The following ZDHHC3 variants were observed in gnomAD, a reference collection of about 807,000 sequenced individuals.
The protein encoded by ZDHHC3 is palmitoyltransferase ZDHHC3.
A neutral mutation model predicts 30.6 loss-of-function variants in ZDHHC3; 9 were observed. That is an observed-to-expected ratio of 0.29 (90% CI 0.18 to 0.51). ZDHHC3 has a LOEUF of 0.51. Ranked by LOEUF, ZDHHC3 falls within the 20% of genes least tolerant of loss-of-function variation. The pLI, the probability that ZDHHC3 is intolerant of heterozygous loss-of-function variation, is 0.97. For synonymous variants in ZDHHC3, 136 were observed against 140.2 expected (o/e 0.97, Z 0.21); for missense variants, 246 against 384.2 (o/e 0.64, Z 3.01).
Position 44,961,206 on chromosome 3 carries a change from C to T in ZDHHC3, c.-24-1746G>A, listed in dbSNP as rs140337609. ...AGGAGATTGAGACCATCCTGGCTAA[C>T]ACGGTGAAACCCCATCTCTACTGAA... On this transcript the variant is annotated intron_variant, in intron 1 of 6. Transcript: ENST00000424952. Among the ~76,000 whole-genome samples, 1,389 of 152,312 alleles carry T rather than the reference C, an allele frequency of 9.1e-3. 22 individuals carry two copies. Among genetic ancestry groups the T allele is most frequent in the African/African-American group, 0.029 (1,218 of 41,568 alleles).
Position 44,945,095 on chromosome 3 carries a change from A to C in ZDHHC3, c.431+73T>G, listed in dbSNP as rs1702797631. 4 of 1,603,376 alleles carry C rather than the reference A, an allele frequency of 2.5e-6. No homozygotes were observed. The Admixed American group carries it at 6.7e-5, about 27-fold the overall frequency. ...TTGGGGAAGTGTGTGCTACTCCAGG[A>C]GGCAGGTGTTGGCGGGGATGGAGGG... On this transcript the variant is annotated intron_variant, in intron 3 of 6. Coordinates refer to ENST00000424952, the MANE Select transcript of ZDHHC3 (RefSeq NM_001135179.2).
At chr3:44,958,426 T>G (rs1704147717) in intron 2 of ZDHHC3, among the ~76,000 whole-genome samples, 1 of 152,130 alleles carries the variant, frequency 6.6e-6, no homozygotes, top group Non-Finnish European at 1.5e-5. Context: ...ACAGGAGGTC[T>G]TTATCAAATA....
chr3:44,955,764 A>C (rs895762120), intron 2 of ZDHHC3, among the ~76,000 whole-genome samples: 3 of 152,066 alleles, frequency 2.0e-5, no homozygotes, highest in Non-Finnish European at 4.4e-5. Flanking sequence ...GTGCCTTAGG[A>C]GCTCCCGCTT....
rs1331044832 is a variant in ZDHHC3, at chr3:44,917,894, T to G, written c.*8795A>C. ...GTTTGCTTCTCTCCCCACAGCAGCA[T>G]CTATTCATCTGTCACCTCCACAGAG... On this transcript the variant is annotated 3_prime_UTR_variant, in exon 7 of 7. Coordinates refer to ENST00000424952, the MANE Select transcript of ZDHHC3 (RefSeq NM_001135179.2). 1 of 1,301,730 alleles carries G rather than the reference T, an allele frequency of 7.7e-7. No homozygotes were observed. Among genetic ancestry groups the G allele is most frequent in the East Asian group, 5.5e-5 (1 of 18,026 alleles). 80.6% of individuals were successfully genotyped at this position (1,301,730 alleles called of 1,614,324 possible).
rs1700718189 is a variant in ZDHHC3, at chr3:44,923,071, T to C, written c.*3618A>G. 1.7e-5 allele frequency: 17 copies of C among 973,420 alleles called. No individual in the cohort carries two copies. Among genetic ancestry groups the C allele is most frequent in the Non-Finnish European group, 1.9e-5 (16 of 828,136 alleles). 60.3% of individuals were successfully genotyped at this position (973,420 alleles called of 1,614,324 possible). ...GTAATGCCAACCTCACATACATGTTTAAAATGTTTGTTTTTTTTTTTTGAG... is the reference window on the plus strand; with the variant it reads ...GTAATGCCAACCTCACATACATGTTCAAAATGTTTGTTTTTTTTTTTTGAG... On this transcript the variant is annotated 3_prime_UTR_variant, in exon 7 of 7. Coordinates refer to ENST00000424952, the MANE Select transcript of ZDHHC3 (RefSeq NM_001135179.2).
At position 44,925,480 on chromosome 3, in the gene ZDHHC3, A is replaced by T. The variant is rs1700907472; in HGVS notation, c.*1209T>A. The T allele has an allele frequency of 2.0e-6, 2 of 985,172 alleles. No individual in the cohort carries two copies. Among genetic ancestry groups the T allele is most frequent in the Non-Finnish European group, 2.4e-6 (2 of 829,934 alleles). 61.0% of individuals were successfully genotyped at this position (985,172 alleles called of 1,614,324 possible). A position where few individuals can be genotyped will look rare whatever the true frequency, so the allele number is the denominator to read the frequency against. Reference sequence around the variant, plus strand: ...TCCTTCACCTCTATCCACCATCACCACCTCCTTCAAACAAGACTGACACAG... The same window carrying T: ...TCCTTCACCTCTATCCACCATCACCTCCTCCTTCAAACAAGACTGACACAG... On this transcript the variant is annotated 3_prime_UTR_variant, in exon 7 of 7. Transcript: ENST00000424952.
At chr3:44,974,158 A>G (rs1232956096) in intron 1 of ZDHHC3, among the ~76,000 whole-genome samples, 2 of 152,274 alleles carry the variant, frequency 1.3e-5, no homozygotes, top group Non-Finnish European at 2.9e-5. Context: ...TCTACTGTTT[A>G]CATCTCTCTT....
intron 1 of ZDHHC3, among the ~76,000 whole-genome samples, chr3:44,966,460 G>T (rs1463769526): frequency 6.6e-6 from 1 of 152,148 alleles, no homozygotes; most frequent in Non-Finnish European, 1.5e-5. Context: ...CACTGAAAGA[G>T]GGTAGCATCT....
At chr3:44,972,442 A>ATG (rs747154849) in intron 1 of ZDHHC3, among the ~76,000 whole-genome samples, 1 of 152,190 alleles carries the variant, frequency 6.6e-6, no homozygotes, top group African/African-American at 2.4e-5. Flanking sequence ...CAGCCTAGAC[A>ATG]ACAGAGCAAG....
chr3:44,954,798 C>T (rs1703783742), intron 2 of ZDHHC3, among the ~76,000 whole-genome samples: 1 of 152,044 alleles, frequency 6.6e-6, no homozygotes, highest in Admixed American at 6.5e-5. Flanking sequence ...TTCTGGGAGA[C>T]AGACATTGTC....
Position 44,915,966 on chromosome 3 carries a change from C to CAGA in ZDHHC3, c.*10722_*10723insTCT, listed in dbSNP as rs1700137405. 2.0e-5 allele frequency: 3 copies of CAGA among 152,214 alleles called. No individual in the cohort carries two copies. Among genetic ancestry groups the CAGA allele is most frequent in the Non-Finnish European group, 2.9e-5 (2 of 68,068 alleles). 9.4% of individuals were successfully genotyped at this position (152,214 alleles called of 1,614,324 possible). On this transcript the variant is annotated 3_prime_UTR_variant, in exon 7 of 7. Coordinates refer to ENST00000424952, the MANE Select transcript of ZDHHC3 (RefSeq NM_001135179.2). Reference sequence around the variant, plus strand: ...TGGGTTAGGACAACAAATAGGGGGCCCTACAGTCAGAGCAGCTCTTACCCA... The same window carrying CAGA: ...TGGGTTAGGACAACAAATAGGGGGCCAGACTACAGTCAGAGCAGCTCTTACCCA...
chr3:44,954,487 A>G (rs376817652), intron 2 of ZDHHC3, among the ~76,000 whole-genome samples: 1 of 152,198 alleles, frequency 6.6e-6, no homozygotes, highest in African/African-American at 2.4e-5. Flanking sequence ...AGTAGGCTGT[A>G]CCATCTAGGT....
At chr3:44,974,983 CA>C (rs1016632642) in intron 1 of ZDHHC3, among the ~76,000 whole-genome samples, 8 of 151,896 alleles carry the variant, frequency 5.3e-5, no homozygotes, top group Non-Finnish European at 1.0e-4. Flanking sequence ...AAAGGTAGCA[CA>C]AAGCCTATCT....
In ZDHHC3 at chr3:44,918,171, C is replaced by T. The variant is rs778767310; in HGVS notation, c.*8518G>A. On this transcript the variant is annotated 3_prime_UTR_variant, in exon 7 of 7. Coordinates refer to ENST00000424952, the MANE Select transcript of ZDHHC3 (RefSeq NM_001135179.2). ...GCAGGGAGAAGGGGATGAAGAACAT[C>T]GTCAGCGTGGTGCTGGGCTGTACAG... 2.5e-5 allele frequency: 32 copies of T among 1,296,242 alleles called. No homozygotes were observed. The highest frequency in any genetic ancestry group is 7.5e-5 in the South Asian group (6 of 79,950). 80.3% of individuals were successfully genotyped at this position (1,296,242 alleles called of 1,614,324 possible).
chr3:44,967,375 A>G (rs773894363), intron 1 of ZDHHC3, among the ~76,000 whole-genome samples: 1 of 152,148 alleles, frequency 6.6e-6, no homozygotes, highest in Non-Finnish European at 1.5e-5. Context: ...TGGCTTTACT[A>G]ATCTACTAAA....
In ZDHHC3 at chr3:44,924,984, A is replaced by C. The variant is rs1700869370; in HGVS notation, c.*1705T>G. The C allele has an allele frequency of 2.0e-6, 2 of 985,514 alleles. No individual in the cohort carries two copies. Among genetic ancestry groups the C allele is most frequent in the Admixed American group, 1.2e-4 (2 of 16,268 alleles). The allele number at this position is 985,514 out of a possible 1,614,324, so 61.0% of individuals were successfully genotyped here. ...TCAGGCTGCAGAAAGCAAAGGAAAG[A>C]GGCCTGGTGGGGCAAGCTGGTTCAA... On this transcript the variant is annotated 3_prime_UTR_variant, in exon 7 of 7. Transcript: ENST00000424952.
intron 3 of ZDHHC3, among the ~76,000 whole-genome samples, chr3:44,934,407 G>A (rs1701763589): frequency 6.7e-6 from 1 of 148,688 alleles, no homozygotes. Flanking sequence ...ACCAAGGGAT[G>A]GGTGGAAGTT....
chr3:44,955,477 G>GTATATA (rs1320583117), intron 2 of ZDHHC3, among the ~76,000 whole-genome samples: 3 of 98,620 alleles, frequency 3.0e-5, no homozygotes, highest in African/African-American at 1.3e-4. Context: ...ATATATATAT[G>GTATATA]TATATATATA....
chr3:44,930,503 T>C (rs1701399343), intron 5 of ZDHHC3, among the ~76,000 whole-genome samples: 1 of 152,216 alleles, frequency 6.6e-6, no homozygotes. Flanking sequence ...TTGTGCCTGT[T>C]TCCCTGGCTG....
Sources: gnomAD v4.1 joint callset for allele counts (sites outside exome capture counted in the v4.1 genomes callset) on GRCh38, gnomAD v4.1.1 for gene constraint, MANE v1.5 for transcripts, NCBI Gene and HGNC (gene_info 2026-07-23, HGNC 2026-07-21) for gene names.